The following TRPC1 variants were observed in gnomAD, a reference collection of about 807,000 sequenced individuals.
TRPC1 encodes short transient receptor potential channel 1.
A neutral mutation model predicts 88.2 loss-of-function variants in TRPC1; 42 were observed. The observed-to-expected ratio is 0.48, with a 90% confidence interval of 0.37 to 0.62. The LOEUF (loss-of-function observed/expected upper bound fraction) is 0.62. Among genes scored for constraint, TRPC1 ranks in the 20% least tolerant of loss-of-function variants. The pLI is 0.00. For synonymous variants in TRPC1, 288 were observed against 331.8 expected, an observed-to-expected ratio of 0.87 and a Z score of 1.43; for missense variants, 699 against 957.3, an observed-to-expected ratio of 0.73 and a Z score of 3.56.
chr3:142,763,891 T>G (rs1935276343), intron 4 of TRPC1, among the ~76,000 whole-genome samples: 1 of 149,014 alleles, frequency 6.7e-6, no homozygotes, highest in African/African-American at 2.5e-5. Context: ...AAAAAACATC[T>G]TATAAATATA....
chr3:142,777,561 A>G, intron 4 of TRPC1, 71 bp from the exon 5 acceptor site: 1 of 1,039,922 alleles, frequency 9.6e-7, no homozygotes, highest in Non-Finnish European at 1.3e-6. Flanking sequence ...CATTTATGAA[A>G]ATTATAGATT....
intron 1 of TRPC1, among the ~76,000 whole-genome samples, chr3:142,731,627 G>A (rs1000834216): frequency 6.6e-6 from 1 of 151,442 alleles, no homozygotes; most frequent in African/African-American, 2.4e-5. Flanking sequence ...CTCATGATCC[G>A]CCTGCCTCAG....
rs76924049 is a variant in TRPC1 at position 142,799,529 on chromosome 3, G to A, written c.1582-2640G>A. 8.5e-5 allele frequency among the ~76,000 whole-genome samples: 13 copies of A among 152,170 alleles called. No homozygotes were observed. In the East Asian group the frequency reaches 2.5e-3, roughly 29 times the overall value. On this transcript the variant is annotated intron_variant, in intron 9 of 12. Transcript: ENST00000476941. ...CCATGCTATTAAACAAGTCAGGCCG[G>A]GCATGGTGGAACACACTTCTAATTG...
intron 4 of TRPC1, among the ~76,000 whole-genome samples, chr3:142,749,273 AAGT>A (rs1934666863): frequency 6.6e-6 from 1 of 152,244 alleles, no homozygotes. Flanking sequence ...CATTTAAAAA[AAGT>A]AGAGCACATA....
At chr3:142,744,500 A>C (rs72988609) in intron 3 of TRPC1, among the ~76,000 whole-genome samples, 10,663 of 152,240 alleles carry the variant, frequency 0.07, 1,217 homozygotes, top group African/African-American at 0.24. Context: ...ATTCCAAAAT[A>C]GAAGATAGGA....
chr3:142,800,931 A>T (rs1465073418), intron 9 of TRPC1, among the ~76,000 whole-genome samples: 1 of 151,994 alleles, frequency 6.6e-6, no homozygotes, highest in Non-Finnish European at 1.5e-5. Flanking sequence ...AGAAAAAAAA[A>T]AAAAAGTCTC....
At chr3:142,779,683 A>G (rs1935896904) in intron 5 of TRPC1, among the ~76,000 whole-genome samples, 1 of 152,152 alleles carries the variant, frequency 6.6e-6, no homozygotes, top group African/African-American at 2.4e-5. Context: ...AAGCCCCATT[A>G]TATAGAAAGA....
At chr3:142,782,125 AAAG>A (rs1577993650) in intron 6 of TRPC1, among the ~76,000 whole-genome samples, 2 of 152,338 alleles carry the variant, frequency 1.3e-5, no homozygotes, top group East Asian at 3.9e-4. Context: ...TGATTTAAAA[AAAG>A]AACCTCAAAG....
chr3:142,790,409 T>A (rs1936259509), intron 7 of TRPC1, among the ~76,000 whole-genome samples: 1 of 152,024 alleles, frequency 6.6e-6, no homozygotes, highest in African/African-American at 2.4e-5. Flanking sequence ...GCAGCAGTGG[T>A]TTTGCATTTT....
chr3:142,766,009 A>G (rs1935371902), intron 4 of TRPC1, among the ~76,000 whole-genome samples: 1 of 152,172 alleles, frequency 6.6e-6, no homozygotes, highest in Non-Finnish European at 1.5e-5. Context: ...ATGCCATCTC[A>G]TACCAGTCAG....
chr3:142,737,955 G>A (rs1407985153), intron 2 of TRPC1, among the ~76,000 whole-genome samples: 1 of 152,058 alleles, frequency 6.6e-6, no homozygotes, highest in African/African-American at 2.4e-5. Context: ...CAGTTACCTA[G>A]AAAATAAGGG....
At chr3:142,741,098 A>G (rs1006556367) in intron 2 of TRPC1, among the ~76,000 whole-genome samples, 1 of 151,952 alleles carries the variant, frequency 6.6e-6, no homozygotes, top group Non-Finnish European at 1.5e-5. Flanking sequence ...ATAAATATGT[A>G]ATAAGTATAT....
intron 4 of TRPC1, among the ~76,000 whole-genome samples, chr3:142,763,978 A>AACAAAT (rs1935286189): frequency 1.5e-5 from 1 of 68,574 alleles, no homozygotes. Context: ...ATATATATAT[A>AACAAAT]TATATACACA....
intron 4 of TRPC1, among the ~76,000 whole-genome samples, chr3:142,765,346 A>G (rs1435002186): frequency 6.6e-6 from 1 of 152,216 alleles, no homozygotes; most frequent in East Asian, 1.9e-4. Flanking sequence ...TGGAACCAAA[A>G]AAGGACTGAA....
intron 7 of TRPC1, among the ~76,000 whole-genome samples, chr3:142,785,611 C>G (rs1334128381): frequency 1.3e-5 from 2 of 152,148 alleles, no homozygotes; most frequent in African/African-American, 4.8e-5. Context: ...AAACGATTCT[C>G]CTGCCTTAGC....
intron 7 of TRPC1, among the ~76,000 whole-genome samples, chr3:142,789,281 T>A (rs1016390089): frequency 6.6e-6 from 1 of 152,094 alleles, no homozygotes; most frequent in Non-Finnish European, 1.5e-5. Flanking sequence ...ATGAGAAATA[T>A]CAGAAAGCTT....
chr3:142,762,549 C>T (rs1437355273), intron 4 of TRPC1, among the ~76,000 whole-genome samples: 1 of 151,372 alleles, frequency 6.6e-6, no homozygotes, highest in African/African-American at 2.4e-5. Flanking sequence ...CCACCTCAGC[C>T]TCCCGAGTAG....
At chr3:142,754,054 T>C in intron 4 of TRPC1, among the ~76,000 whole-genome samples, 1 of 126,324 alleles carries the variant, frequency 7.9e-6, no homozygotes, top group Middle Eastern at 7.8e-3. Flanking sequence ...CACCACACTC[T>C]ACCCTAGCCT....
chr3:142,788,934 C>G (rs1466984366), intron 7 of TRPC1, among the ~76,000 whole-genome samples: 1 of 152,114 alleles, frequency 6.6e-6, no homozygotes, highest in Non-Finnish European at 1.5e-5. Context: ...TTGGTCTTCA[C>G]TGTACTTTCA....
Sources: gnomAD v4.1 joint callset for allele counts (sites outside exome capture counted in the v4.1 genomes callset) on GRCh38, gnomAD v4.1.1 for gene constraint, MANE v1.5 for transcripts, NCBI Gene and HGNC (gene_info 2026-07-23, HGNC 2026-07-21) for gene names.